The following SFRP1 variants were observed in gnomAD, a reference collection of about 807,000 sequenced individuals.
The protein encoded by SFRP1 is secreted frizzled related protein 1.
A neutral mutation model predicts 25.9 loss-of-function variants in SFRP1; 9 were observed. The ratio of observed to expected loss-of-function variants is 0.35; its 90% CI spans 0.21 to 0.61. The LOEUF (loss-of-function observed/expected upper bound fraction) is 0.61. SFRP1 is among the 20% of genes least tolerant of loss of function. SFRP1 has a pLI of 0.78. For missense variants in SFRP1, 346 were observed against 418.2 expected (o/e 0.83, Z 1.51); for synonymous variants, 178 against 174.0 (o/e 1.02, Z -0.18).
intron 2 of SFRP1, among the ~76,000 whole-genome samples, chr8:41,299,143 C>A (rs1803880928): frequency 6.7e-6 from 1 of 150,218 alleles, no homozygotes; most frequent in Non-Finnish European, 1.5e-5. Context: ...CAGAAAGAGA[C>A]ACAGGCTCTC....
rs1803403971 is a variant in SFRP1 at position 41,263,973 on chromosome 8, T to C, written c.*1194A>G. ...CAGGAAAGAAAAAAACGGAAAGCTCTGTGAGTTTTGCTAGGGGGTGTTAGG... is the reference window on the plus strand; with the variant it reads ...CAGGAAAGAAAAAAACGGAAAGCTCCGTGAGTTTTGCTAGGGGGTGTTAGG... On this transcript the variant is annotated 3_prime_UTR_variant, in exon 3 of 3. Transcript: ENST00000220772. 1 of 152,206 alleles carries C rather than the reference T, an allele frequency of 6.6e-6. No homozygotes were observed. Among genetic ancestry groups the C allele is most frequent in the Admixed American group, 6.5e-5 (1 of 15,284 alleles). 9.4% of individuals were successfully genotyped at this position (152,206 alleles called of 1,614,324 possible).
At position 41,305,808 on chromosome 8, in the gene SFRP1, T is replaced by C. The variant is rs552760823; in HGVS notation, c.545-2270A>G. Among the ~76,000 whole-genome samples the C allele has an allele frequency of 3.9e-5, 6 of 152,250 alleles. No homozygotes were observed. In the South Asian group the frequency reaches 1.2e-3, roughly 32 times the overall value. Reference sequence around the variant, plus strand: ...CACACACACACAAGTGCTTTCTCAGTCTCTCTCTCTTTCTTCTCTCTTTCC... The same window carrying C: ...CACACACACACAAGTGCTTTCTCAGCCTCTCTCTCTTTCTTCTCTCTTTCC... On this transcript the variant is annotated intron_variant, in intron 1 of 2. Transcript: ENST00000220772.
At chr8:41,295,801 C>T (rs1430249162) in intron 2 of SFRP1, among the ~76,000 whole-genome samples, 3 of 151,794 alleles carry the variant, frequency 2.0e-5, no homozygotes, top group Non-Finnish European at 2.9e-5. Context: ...GATGACTTCA[C>T]CCCCTGCCAC....
chr8:41,307,367 G>A (rs1804011206), intron 1 of SFRP1, among the ~76,000 whole-genome samples: 2 of 152,196 alleles, frequency 1.3e-5, no homozygotes, highest in African/African-American at 2.4e-5. Flanking sequence ...ATAAGCAAAA[G>A]CATCTAAAAT....
intron 1 of SFRP1, 55 bp from the exon 2 acceptor site, chr8:41,303,593 C>A: frequency 6.9e-7 from 1 of 1,449,010 alleles, no homozygotes; most frequent in Non-Finnish European, 9.7e-7. Flanking sequence ...AGGAAGGGAG[C>A]AGCCCCTGGG....
At chr8:41,304,167 C>T (rs553674669) in intron 1 of SFRP1, among the ~76,000 whole-genome samples, 1 of 152,228 alleles carries the variant, frequency 6.6e-6, no homozygotes, top group East Asian at 1.9e-4. Flanking sequence ...GGAAGGGGTC[C>T]TTCAGAGGCT....
chr8:41,279,103 C>A (rs570356761), intron 2 of SFRP1, among the ~76,000 whole-genome samples: 1 of 152,234 alleles, frequency 6.6e-6, no homozygotes, highest in East Asian at 1.9e-4. Flanking sequence ...CTCTCCTCCT[C>A]CCCTCTGTGA....
In SFRP1 at chr8:41,262,740, TTTTGTTAGATAC is replaced by T. The variant is rs1412574982; in HGVS notation, c.*2415_*2426del. On this transcript the variant is annotated 3_prime_UTR_variant, in exon 3 of 3. Coordinates refer to ENST00000220772, the MANE Select transcript of SFRP1 (RefSeq NM_003012.5). ...CCAGGCCAATCAGTCTGCACATTGG[TTTTGTTAGATAC>T]TTTGTGGAGAAAAACAAAGGCTCGT... The T allele has an allele frequency of 1.3e-5, 2 of 152,122 alleles. No homozygotes were observed. The highest frequency in any genetic ancestry group is 4.8e-5 in the African/African-American group (2 of 41,408). 9.4% of individuals were successfully genotyped at this position (152,122 alleles called of 1,614,324 possible). A position where few individuals can be genotyped will look rare whatever the true frequency, so the allele number is the denominator to read the frequency against.
intron 2 of SFRP1, among the ~76,000 whole-genome samples, chr8:41,300,469 A>C (rs1236330188): frequency 6.6e-6 from 1 of 152,044 alleles, no homozygotes; most frequent in Admixed American, 6.6e-5. Context: ...GAAGCTCTGA[A>C]CTCTCCTAGC....
At chr8:41,305,271 C>T (rs190955460) in intron 1 of SFRP1, among the ~76,000 whole-genome samples, 8 of 152,336 alleles carry the variant, frequency 5.3e-5, no homozygotes, top group Admixed American at 2.6e-4. Flanking sequence ...ATAAAGGGCA[C>T]ATCTCTGCCC....
chr8:41,274,191 C>T (rs1803545214), intron 2 of SFRP1, among the ~76,000 whole-genome samples: 2 of 152,180 alleles, frequency 1.3e-5, no homozygotes, highest in Non-Finnish European at 2.9e-5. Context: ...CTAATTAACT[C>T]CCTCTCCCAT....
chr8:41,265,134 C>CCA lies in SFRP1; in HGVS notation c.*32_*33insTG. On this transcript the variant is annotated 3_prime_UTR_variant, in exon 3 of 3. Coordinates refer to ENST00000220772, the MANE Select transcript of SFRP1 (RefSeq NM_003012.5). ...CTGTCCCCCCCGCTCCCACCCCACC[C>CCA]GAGGCTCCCTCCCCACCCTGCCCCC... The CCA allele has an allele frequency of 1.7e-5, 13 of 745,304 alleles. No homozygotes were observed. The highest frequency in any genetic ancestry group is 7.4e-5 in the South Asian group (4 of 54,400). The allele number at this position is 745,304 out of a possible 1,614,324, so 46.2% of individuals were successfully genotyped here. A position where few individuals can be genotyped will look rare whatever the true frequency, so the allele number is the denominator to read the frequency against.
intron 2 of SFRP1, among the ~76,000 whole-genome samples, chr8:41,279,552 A>G (rs937711727): frequency 1.3e-5 from 2 of 152,090 alleles, no homozygotes; most frequent in Non-Finnish European, 2.9e-5. Flanking sequence ...CTCACAACAT[A>G]TAAACACTAC....
At chr8:41,279,498 C>A (rs567406004) in intron 2 of SFRP1, among the ~76,000 whole-genome samples, 1 of 152,262 alleles carries the variant, frequency 6.6e-6, no homozygotes, top group East Asian at 1.9e-4. Flanking sequence ...TCAAGTCCCA[C>A]AACTAGTCCA....
intron 2 of SFRP1, among the ~76,000 whole-genome samples, chr8:41,280,444 C>T (rs1015355389): frequency 1.8e-4 from 28 of 152,196 alleles, no homozygotes; most frequent in African/African-American, 6.0e-4. Context: ...TCCGCTGGCA[C>T]GCATTCAAGG....
In SFRP1 at chr8:41,265,413, C is replaced by T; in HGVS notation, c.699G>A (p.Leu233=). 1 of 1,613,370 alleles carries T rather than the reference C, an allele frequency of 6.2e-7. No individual in the cohort carries two copies. Among genetic ancestry groups the T allele is most frequent in the South Asian group, 1.1e-5 (1 of 90,838 alleles). The change falls in exon 3 of 3, where the codon CTG becomes CTA. Residue 233 remains leucine, a synonymous_variant. Coordinates refer to ENST00000220772, the MANE Select transcript of SFRP1 (RefSeq NM_003012.5). ...KKIVPKKKKP[L]KLGPIKKKDL... ...CCTTCTTCTTGATGGGCCCCAACTT[C>T]AGGGGCTTCTTCTTCTTGGGGACAA...
rs906766291 is a variant in SFRP1 at position 41,262,919 on chromosome 8, G to A, written c.*2248C>T. 5 of 152,156 alleles carry A rather than the reference G, an allele frequency of 3.3e-5. No homozygotes were observed. Among genetic ancestry groups the A allele is most frequent in the African/African-American group, 9.7e-5 (4 of 41,430 alleles). 9.4% of individuals were successfully genotyped at this position (152,156 alleles called of 1,614,324 possible). On this transcript the variant is annotated 3_prime_UTR_variant, in exon 3 of 3. Coordinates refer to ENST00000220772, the MANE Select transcript of SFRP1 (RefSeq NM_003012.5). ...AGGTCCTGGGACTCTGAGACAGACG[G>A]TGGTAAAACCCACAGCTGCGATTCA... is the stretch of plus-strand genomic sequence containing the variant.
At chr8:41,295,847 G>A (rs952141970) in intron 2 of SFRP1, among the ~76,000 whole-genome samples, 13 of 151,636 alleles carry the variant, frequency 8.6e-5, no homozygotes, top group South Asian at 2.1e-4. Context: ...CAGTCAATAC[G>A]TCCAGCCCCC....
At chr8:41,269,613 A>C (rs1803478188) in intron 2 of SFRP1, among the ~76,000 whole-genome samples, 1 of 152,148 alleles carries the variant, frequency 6.6e-6, no homozygotes, top group African/African-American at 2.4e-5. Flanking sequence ...CATTCTTCAA[A>C]GCCGTCTCTT....
Sources: allele counts gnomAD v4.1 joint callset (sites outside exome capture counted in the v4.1 genomes callset), GRCh38; gene constraint gnomAD v4.1.1; transcripts MANE v1.5; gene names NCBI Gene and HGNC (gene_info 2026-07-23, HGNC 2026-07-21).